MKLN1: variants seen among roughly 807,000 people sequenced by gnomAD.
MKLN1 encodes the protein muskelin 1, also known as muskelin.
Under a neutral mutation model 99.0 loss-of-function variants are expected in MKLN1, and 18 were observed. The observed-to-expected ratio is 0.18, with a 90% CI of 0.13 to 0.27. MKLN1 has a LOEUF of 0.27. Ranked by LOEUF, MKLN1 falls within the 10% of genes least tolerant of loss-of-function variation. MKLN1 has a pLI of 1.00. For missense variants in MKLN1, 621 were observed against 875.9 expected, an observed-to-expected ratio of 0.71 and a Z score of 3.67; for synonymous variants, 288 against 293.2, an observed-to-expected ratio of 0.98 and a Z score of 0.18.
chr7:131,339,988 A>G lies in MKLN1; in HGVS notation c.98+11991A>G, dbSNP rs186513628. ...TTGTTAAAGAAGTTGTCTTATATACATAGAAATGGTATAATAAGCTACTTT... is the reference window on the plus strand; with the variant it reads ...TTGTTAAAGAAGTTGTCTTATATACGTAGAAATGGTATAATAAGCTACTTT... On this transcript the variant is annotated intron_variant, in intron 1 of 17. Coordinates refer to ENST00000352689, the MANE Select transcript of MKLN1 (RefSeq NM_013255.5). 3.3e-5 allele frequency among the ~76,000 whole-genome samples: 5 copies of G among 152,136 alleles called. 1 individual carries two copies. Among genetic ancestry groups the G allele is most frequent in the Admixed American group, 2.0e-4 (3 of 15,276 alleles).
At chr7:131,220,725 G>A (rs1196026225) in intron 3 of MKLN1, among the ~76,000 whole-genome samples, 1 of 152,046 alleles carries the variant, frequency 6.6e-6, no homozygotes, top group Admixed American at 6.6e-5. Context: ...TAGAATTAGA[G>A]GTCTAAAAAA....
intron 2 of MKLN1, among the ~76,000 whole-genome samples, chr7:131,154,135 C>T (rs958786443): frequency 1.1e-4 from 17 of 152,058 alleles, no homozygotes; most frequent in African/African-American, 4.1e-4. Context: ...TATGTAAATA[C>T]ATTTGCTTAT....
intron 3 of MKLN1, among the ~76,000 whole-genome samples, chr7:131,282,791 A>C (rs1014259182): frequency 6.6e-6 from 1 of 152,188 alleles, no homozygotes; most frequent in East Asian, 1.9e-4. Context: ...AAATATACAG[A>C]TTCCAGAGTC....
upstream of MKLN1, chr7:131,327,786 C>G: frequency 6.9e-7 from 1 of 1,444,748 alleles, no homozygotes; most frequent in Non-Finnish European, 9.0e-7. Flanking sequence ...CGATGCGGGG[C>G]GGGGAGCGCG....
chr7:131,173,140 AACACACAC>A (rs56672099), intron 2 of MKLN1, among the ~76,000 whole-genome samples: 5 of 150,110 alleles, frequency 3.3e-5, no homozygotes, highest in South Asian at 2.1e-4. Context: ...TGTATATACA[AACACACAC>A]ACACACACAC....
intron 2 of MKLN1, among the ~76,000 whole-genome samples, chr7:131,181,832 G>A (rs1053798235): frequency 6.6e-6 from 1 of 151,968 alleles, no homozygotes; most frequent in Non-Finnish European, 1.5e-5. Context: ...GCTAATTTTT[G>A]TATTTTTAGT....
chr7:131,142,974 T>C, intron 2 of MKLN1: 1 of 1,296,568 alleles, frequency 7.7e-7, no homozygotes, highest in Non-Finnish European at 1.0e-6. Context: ...TTTCTTTCTT[T>C]AGTTGTCAAA....
intron 3 of MKLN1, among the ~76,000 whole-genome samples, chr7:131,312,355 T>C (rs531034074): frequency 2.6e-5 from 4 of 152,166 alleles, no homozygotes; most frequent in Non-Finnish European, 5.9e-5. Context: ...TTCTATAACC[T>C]TTAAAAATTT....
intron 6 of MKLN1, among the ~76,000 whole-genome samples, chr7:131,405,618 A>T (rs1362712880): frequency 2.0e-5 from 3 of 151,878 alleles, no homozygotes; most frequent in Non-Finnish European, 2.9e-5. Flanking sequence ...CTTGTTCTTT[A>T]GTTGTGCTAT....
At position 131,490,178 on chromosome 7, in the gene MKLN1, A is replaced by G. The variant is rs1584794786; in HGVS notation, c.*2450A>G. 2 of 152,724 alleles carry G rather than the reference A, an allele frequency of 1.3e-5. No individual in the cohort carries two copies. The highest frequency in any genetic ancestry group is 4.1e-4 in the South Asian group (2 of 4,832). The allele number at this position is 152,724 out of a possible 1,614,324, so 9.5% of individuals were successfully genotyped here. A position where few individuals can be genotyped will look rare whatever the true frequency, so the allele number is the denominator to read the frequency against. On this transcript the variant is annotated 3_prime_UTR_variant, in exon 18 of 18. Coordinates refer to ENST00000352689, the MANE Select transcript of MKLN1 (RefSeq NM_013255.5). ...AAATAATCGAATTTGGTATTTAGGTACATTGTTTATATAGCCAAGTGTATA... is the reference window on the plus strand; with the variant it reads ...AAATAATCGAATTTGGTATTTAGGTGCATTGTTTATATAGCCAAGTGTATA...
intron 2 of MKLN1, among the ~76,000 whole-genome samples, chr7:131,377,977 T>TCAAA (rs1793714682): frequency 1.3e-5 from 2 of 152,118 alleles, no homozygotes; most frequent in African/African-American, 4.8e-5. Flanking sequence ...ATAACTGGGG[T>TCAAA]TTTCTGTGGC....
rs556206315 is a variant in MKLN1, at chr7:131,122,921, G to A, written c.-419+12714G>A. On this transcript the variant is annotated intron_variant, in intron 1 of 7. Transcript: ENST00000416992. Reference sequence around the variant, plus strand: ...GCCTGTAGTCCCAGCTACTCGGGAGGCTGAGGCAGGAGAACGGCGTGAACC... The same window carrying A: ...GCCTGTAGTCCCAGCTACTCGGGAGACTGAGGCAGGAGAACGGCGTGAACC... Among the ~76,000 whole-genome samples the A allele has an allele frequency of 7.6e-4, 115 of 150,644 alleles. 1 individual carries two copies. The highest frequency in any genetic ancestry group is 2.5e-3 in the African/African-American group (101 of 41,028).
At chr7:131,443,188 C>G (rs1795893011) in intron 10 of MKLN1, among the ~76,000 whole-genome samples, 1 of 152,172 alleles carries the variant, frequency 6.6e-6, no homozygotes, top group Admixed American at 6.5e-5. Flanking sequence ...AGTATTCACT[C>G]TTACATATAA....
intron 1 of MKLN1, among the ~76,000 whole-genome samples, chr7:131,328,493 C>G (rs920115806): frequency 1.3e-5 from 2 of 152,112 alleles, no homozygotes; most frequent in Admixed American, 6.5e-5. Context: ...GTGATTAGCT[C>G]TAGAGTAGTG....
At chr7:131,330,641 C>T (rs1041123491) in intron 1 of MKLN1, among the ~76,000 whole-genome samples, 1 of 152,044 alleles carries the variant, frequency 6.6e-6, no homozygotes, top group Non-Finnish European at 1.5e-5. Flanking sequence ...ATATATAGTA[C>T]AGGAAATCAG....
intron 3 of MKLN1, among the ~76,000 whole-genome samples, chr7:131,224,855 T>C (rs945387127): frequency 1.8e-4 from 28 of 151,712 alleles, no homozygotes; most frequent in East Asian, 3.9e-4. Flanking sequence ...GGGCAGATCA[T>C]GAGGTCAGGA....
chr7:131,423,574 C>T (rs1246114190), intron 8 of MKLN1, among the ~76,000 whole-genome samples: 5 of 152,152 alleles, frequency 3.3e-5, no homozygotes, highest in Admixed American at 6.5e-5. Context: ...TCAGGTGATC[C>T]GCCTGCCTCG....
chr7:131,337,033 T>G (rs1451486370), intron 1 of MKLN1, among the ~76,000 whole-genome samples: 1 of 152,204 alleles, frequency 6.6e-6, no homozygotes, highest in African/African-American at 2.4e-5. Flanking sequence ...ACTTTAAAGA[T>G]CTCAGTTCAT....
At chr7:131,292,735 C>T (rs999872220) in intron 3 of MKLN1, among the ~76,000 whole-genome samples, 2 of 152,186 alleles carry the variant, frequency 1.3e-5, no homozygotes, top group Non-Finnish European at 2.9e-5. Flanking sequence ...CCAGACAATA[C>T]ATTTCTGTTT....
Sources: allele counts gnomAD v4.1 joint callset (sites outside exome capture counted in the v4.1 genomes callset), GRCh38; gene constraint gnomAD v4.1.1; transcripts MANE v1.5; gene names NCBI Gene and HGNC (gene_info 2026-07-23, HGNC 2026-07-21).